Variants in INTS15 observed in about 807,000 individuals in gnomAD.
INTS15 encodes the protein uncharacterized protein C7orf26.
chr7:6,591,245 A>ACTTTACGAAGGGCG, the INTS15 span, among the ~76,000 whole-genome samples: 1 of 151,682 alleles, frequency 6.6e-6, no homozygotes, highest in Admixed American at 6.6e-5. Context: ...TTCTACGGGA[A>ACTTTACGAAGGGCG]AATACTGTTA....
At chr7:6,590,119 T>A in the INTS15 span, 1 of 472,262 alleles carries the variant, frequency 2.1e-6, no homozygotes, top group Non-Finnish European at 3.3e-6. Context: ...GCAGCAGCGA[T>A]GGCCCCCTGA....
the INTS15 span, among the ~76,000 whole-genome samples, chr7:6,606,995 G>T: frequency 6.6e-6 from 1 of 152,128 alleles, no homozygotes; most frequent in African/African-American, 2.4e-5. Context: ...CACCAGACCC[G>T]GCCAAGAGAG....
chr7:6,608,076 A>AAC, the INTS15 span: 77 of 1,143,222 alleles, frequency 6.7e-5, no homozygotes, highest in African/African-American at 1.2e-4. Context: ...GTCCCGGCCC[A>AAC]CCCCGCCGCC....
chr7:6,591,268 CTTTT>C, the INTS15 span, among the ~76,000 whole-genome samples: 3 of 131,786 alleles, frequency 2.3e-5, no homozygotes, highest in Admixed American at 7.8e-5. Context: ...TCCTGTTTTT[CTTTT>C]TTTTTTTTTT....
chr7:6,599,809 C>G, the INTS15 span: 1 of 1,608,528 alleles, frequency 6.2e-7, no homozygotes, highest in Non-Finnish European at 8.5e-7. Context: ...TGCTCCTGAC[C>G]TAATGGTCTT....
the INTS15 span, chr7:6,600,229 G>C: frequency 1.2e-6 from 2 of 1,614,206 alleles, no homozygotes; most frequent in Non-Finnish European, 1.7e-6. Flanking sequence ...CGCTGGTAGA[G>C]GAGATCAACA....
the INTS15 span, chr7:6,599,854 G>T: frequency 2.7e-5 from 44 of 1,613,918 alleles, no homozygotes; most frequent in Non-Finnish European, 3.7e-5. Context: ...CTATGGACTT[G>T]CTTGAAATGA....
chr7:6,592,938 C>T, the INTS15 span, among the ~76,000 whole-genome samples: 1 of 152,142 alleles, frequency 6.6e-6, no homozygotes, highest in East Asian at 1.9e-4. Context: ...AGAAATTTAG[C>T]AAGTACTGCT....
chr7:6,604,235 G>A, the INTS15 span, among the ~76,000 whole-genome samples: 1 of 152,102 alleles, frequency 6.6e-6, no homozygotes, highest in Non-Finnish European at 1.5e-5. Flanking sequence ...CGCCACCACA[G>A]CAGGCTGATT....
chr7:6,590,974 G>T, the INTS15 span, among the ~76,000 whole-genome samples: 1 of 151,736 alleles, frequency 6.6e-6, no homozygotes, highest in South Asian at 2.1e-4. Flanking sequence ...GAGTAGCTGG[G>T]ACTCCAGGCG....
the INTS15 span, among the ~76,000 whole-genome samples, chr7:6,598,223 A>G: frequency 6.6e-6 from 1 of 152,158 alleles, no homozygotes; most frequent in African/African-American, 2.4e-5. Context: ...TAATACCAGC[A>G]CTTTGGGAGG....
chr7:6,606,695 C>CA, the INTS15 span, among the ~76,000 whole-genome samples: 1 of 137,926 alleles, frequency 7.3e-6, no homozygotes, highest in Non-Finnish European at 1.5e-5. Flanking sequence ...CCCAGAGGGC[C>CA]TTTTTTTTTT....
At chr7:6,592,938 C>G in the INTS15 span, among the ~76,000 whole-genome samples, 3 of 152,142 alleles carry the variant, frequency 2.0e-5, no homozygotes, top group African/African-American at 7.2e-5. Flanking sequence ...AGAAATTTAG[C>G]AAGTACTGCT....
At chr7:6,593,736 C>G in the INTS15 span, among the ~76,000 whole-genome samples, 10 of 149,264 alleles carry the variant, frequency 6.7e-5, no homozygotes, top group African/African-American at 2.5e-4. Context: ...GCAGACTCAA[C>G]CTTCCTAGGC....
chr7:6,607,475 C>T, the INTS15 span: 14 of 1,246,918 alleles, frequency 1.1e-5, no homozygotes, highest in South Asian at 1.5e-4. This position sits in a 1 kb window ranked among gnomAD's most constrained non-coding sequence, Gnocchi z 6.0. Context: ...AGGTCTGTAA[C>T]GGCTGGGTCC....
At chr7:6,598,785 G>GTGTGTGTGTGTGT in the INTS15 span, among the ~76,000 whole-genome samples, 14 of 86,550 alleles carry the variant, frequency 1.6e-4, no homozygotes, top group African/African-American at 4.0e-4. Context: ...GTGTGTGTGT[G>GTGTGTGTGTGTGT]TATTTTTTTT....
the INTS15 span, chr7:6,608,017 C>G: frequency 1.2e-6 from 2 of 1,600,430 alleles, no homozygotes; most frequent in South Asian, 1.1e-5. Context: ...CCGCGCTCCC[C>G]CCGGGGTTCT....
At chr7:6,599,844 C>T in the INTS15 span, 1 of 1,613,784 alleles carries the variant, frequency 6.2e-7, no homozygotes, top group Non-Finnish European at 8.5e-7. Context: ...CTCATTCCAC[C>T]TATGGACTTG....
At chr7:6,599,997 C>G in the INTS15 span, 1 of 1,614,088 alleles carries the variant, frequency 6.2e-7, no homozygotes, top group Non-Finnish European at 8.5e-7. Context: ...TGCGTGAAGG[C>G]ACCCCTGGCT....
Sources: allele counts gnomAD v4.1 joint callset (sites outside exome capture counted in the v4.1 genomes callset), GRCh38; gene constraint gnomAD v4.1.1; non-coding constraint Gnocchi (gnomAD v3.1); transcripts MANE v1.5; gene names NCBI Gene and HGNC (gene_info 2026-07-23, HGNC 2026-07-21).